The following MOV10 variants were observed in gnomAD, a reference collection of about 807,000 sequenced individuals.
MOV10 encodes RNA helicase MOV-10.
In MOV10, 39 loss-of-function variants were observed where a neutral mutation model predicts 108.4. The observed-to-expected ratio is 0.36, with a 90% CI of 0.28 to 0.47. MOV10 has a LOEUF of 0.47. MOV10 is among the 20% of genes least tolerant of loss of function. The probability of loss-of-function intolerance (pLI) is 1.00; values close to 1 mark genes in which losing one functional copy is unlikely to be tolerated. For synonymous variants in MOV10, 490 were observed against 523.1 expected, an observed-to-expected ratio of 0.94 and a Z score of 0.86; for missense variants, 952 against 1,297.6, an observed-to-expected ratio of 0.73 and a Z score of 4.09.
In MOV10 at chr1:112,696,786, A is replaced by T. The variant is rs1256771628; in HGVS notation, c.2138A>T (p.Tyr713Phe). 9 of 1,606,072 alleles carry T rather than the reference A, an allele frequency of 5.6e-6. No individual in the cohort carries two copies. The highest frequency in any genetic ancestry group is 6.8e-6 in the Non-Finnish European group (8 of 1,176,028). Residue 713 changes from tyrosine (Y) to phenylalanine (F), a missense_variant, in exon 14 of 21, where the codon TAC becomes TTC. Physicochemically the swap from Tyr to Phe is conservative, Grantham distance 22 (BLOSUM62 3). Coordinates refer to ENST00000369645, the MANE Select transcript of MOV10 (RefSeq NM_001321324.2). Reference sequence around the variant, plus strand: ...CGGCTGCTCACCTACAACTCCCTGTACAAGAAGGGCCCTGATGGCTATGAC... The same window carrying T: ...CGGCTGCTCACCTACAACTCCCTGTTCAAGAAGGGCCCTGATGGCTATGAC... The part of the protein sequence containing the change: ...LERLLTYNSL[Y>F]KKGPDGYDPQ...
chr1:112,674,745 A>T lies in MOV10; in HGVS notation c.-66+16A>T, dbSNP rs897259505. 15 of 591,624 alleles carry T rather than the reference A, an allele frequency of 2.5e-5. No homozygotes were observed. In the African/African-American group the frequency reaches 3.0e-4, roughly 12 times the overall value. 36.6% of individuals were successfully genotyped at this position (591,624 alleles called of 1,614,324 possible). A position where few individuals can be genotyped will look rare whatever the true frequency, so the allele number is the denominator to read the frequency against. Reference sequence around the variant, plus strand: ...GAAAGCTCAGGTAAGAAAAGAACGGAGGAGGGAAGCCTGGTGGGGAGAAGG... The same window carrying T: ...GAAAGCTCAGGTAAGAAAAGAACGGTGGAGGGAAGCCTGGTGGGGAGAAGG... On this transcript the variant is annotated intron_variant, in intron 1 of 20. Coordinates refer to ENST00000369645, the MANE Select transcript of MOV10 (RefSeq NM_001321324.2).
rs1672150072 is a variant in MOV10 at position 112,675,682 on chromosome 1, G to A, written c.137+633G>A. 6.6e-6 allele frequency among the ~76,000 whole-genome samples: 1 copy of A among 152,246 alleles called. No individual in the cohort carries two copies. Among genetic ancestry groups the A allele is most frequent in the African/African-American group, 2.4e-5 (1 of 41,472 alleles). On this transcript the variant is annotated intron_variant, in intron 2 of 20. Coordinates refer to ENST00000369645, the MANE Select transcript of MOV10 (RefSeq NM_001321324.2). This position sits in a 1 kb window ranked among gnomAD's most constrained non-coding sequence, Gnocchi z 4.7. ...CCAGGGGCAGAGCCAGCCTTCTGGA[G>A]GCTCCCTTTCACCCTGTGGCTGAAG...
Position 112,675,666 on chromosome 1 carries a change from GAGCC to G in MOV10, c.137+622_137+625del, listed in dbSNP as rs1304765330. ...GCTTCTCCATGGAGACCCAGGGGCA[GAGCC>G]AGCCTTCTGGAGGCTCCCTTTCACC... On this transcript the variant is annotated intron_variant, in intron 2 of 20. Coordinates refer to ENST00000369645, the MANE Select transcript of MOV10 (RefSeq NM_001321324.2). The surrounding 1 kb of genome is among the most constrained non-coding windows in gnomAD (Gnocchi z 4.7). Among the ~76,000 whole-genome samples the G allele has an allele frequency of 6.6e-6, 1 of 152,244 alleles. No homozygotes were observed. The highest frequency in any genetic ancestry group is 1.5e-5 in the Non-Finnish European group (1 of 68,032).
At position 112,689,601 on chromosome 1, in the gene MOV10, G is replaced by A. The variant is rs546201560; in HGVS notation, c.528G>A (p.Gln176=). The change falls in exon 4 of 21, where the codon CAG becomes CAA. Residue 176 remains glutamine, a synonymous_variant. Coordinates refer to ENST00000369645, the MANE Select transcript of MOV10 (RefSeq NM_001321324.2). The part of the protein sequence containing the change: ...THLFPLCRTP[Q]FAFYNEDQEL... ...TCTTCCCACTCTGCCGGACACCCCA[G>A]TTTGCTTTCTACAATGAAGACCAGG... 9.9e-6 allele frequency: 16 copies of A among 1,614,208 alleles called. No individual in the cohort carries two copies. In the South Asian group the frequency reaches 1.8e-4, roughly 18 times the overall value.
chr1:112,693,021 A>G lies in MOV10; in HGVS notation c.1140+92A>G, dbSNP rs1015110778. 5.5e-6 allele frequency: 7 copies of G among 1,278,184 alleles called. No individual in the cohort carries two copies. In the African/African-American group the frequency reaches 1.0e-4, roughly 19 times the overall value. 79.2% of individuals were successfully genotyped at this position (1,278,184 alleles called of 1,614,324 possible). ...ACTATTCCTGACAGCAGGGCAGAAC[A>G]AGAGGAAAGTTGAAGTGGTTCCCAG... On this transcript the variant is annotated intron_variant, in intron 7 of 20. Coordinates refer to ENST00000369645, the MANE Select transcript of MOV10 (RefSeq NM_001321324.2).
chr1:112,696,074 G>T (rs1421937823), intron 11 of MOV10, 74 bp from the exon 12 acceptor site: 3 of 963,218 alleles, frequency 3.1e-6, no homozygotes, highest in East Asian at 2.4e-5. Flanking sequence ...TTTGAGGGGG[G>T]GTACCCACAG....
At chr1:112,699,019 C>CT in intron 17 of MOV10, 1 of 551,892 alleles carries the variant, frequency 1.8e-6, no homozygotes, top group Non-Finnish European at 3.2e-6. Flanking sequence ...CATTCTTAGA[C>CT]TGAGGCAGGT....
Position 112,696,681 on chromosome 1 carries a change from C to A in MOV10, c.2033C>A (p.Ala678Glu). 1 of 1,610,670 alleles carries A rather than the reference C, an allele frequency of 6.2e-7. No homozygotes were observed. ...TGDPGGQLVL[A>E]GDPRQLGPVL... ...GATCCAGGAGGGCAGCTGGTGCTGG[C>A]AGGAGACCCTCGGCAGCTGGGGCCT... Residue 678 changes from alanine to glutamate, a missense_variant, in exon 14 of 21, where the codon GCA becomes GAA. Ala to Glu is a moderately radical substitution (Grantham distance 107, BLOSUM62 -1). This residue lies in a region of MOV10 where 453 missense variants were observed against 611.5 expected (regional missense o/e 0.74). Coordinates refer to ENST00000369645, the MANE Select transcript of MOV10 (RefSeq NM_001321324.2).
intron 14 of MOV10, 52 bp downstream of exon 14, chr1:112,696,898 C>T: frequency 7.1e-7 from 1 of 1,412,930 alleles, no homozygotes; most frequent in Non-Finnish European, 9.8e-7. Flanking sequence ...TCACATCCTG[C>T]ATGCAGACCC....
intron 2 of MOV10, among the ~76,000 whole-genome samples, chr1:112,682,272 G>A (rs1234477200): frequency 2.0e-5 from 3 of 152,102 alleles, no homozygotes; most frequent in Non-Finnish European, 4.4e-5. Flanking sequence ...TGTCAAGACT[G>A]GAGTACAGTG....
At position 112,695,659 on chromosome 1, in the gene MOV10, C is replaced by T. The variant is rs916257327; in HGVS notation, c.1779+85C>T. ...ACACTGAGGCGAGGAAGCTAGGAGA[C>T]CTGGATTCTGATACTTGCTATGTGA... On this transcript the variant is annotated intron_variant, in intron 11 of 20. Transcript: ENST00000369645. 2.5e-5 allele frequency: 36 copies of T among 1,419,854 alleles called. 1 individual carries two copies. The highest frequency in any genetic ancestry group is 1.9e-6 in the Non-Finnish European group (2 of 1,058,730). 88.0% of individuals were successfully genotyped at this position (1,419,854 alleles called of 1,614,324 possible).
At chr1:112,688,416 C>A (rs902436325) in intron 2 of MOV10, 1 of 997,134 alleles carries the variant, frequency 1.0e-6, no homozygotes, top group African/African-American at 1.7e-5. Context: ...CGGGTGGAAA[C>A]TGCTGTCTGA....
At chr1:112,684,904 A>T (rs1035348005) in intron 2 of MOV10, 1 of 152,218 alleles carries the variant, frequency 6.6e-6, no homozygotes. Context: ...TATATATTAT[A>T]AAAATTAGCC....
chr1:112,692,119 C>T, intron 6 of MOV10, among the ~76,000 whole-genome samples: 1 of 152,044 alleles, frequency 6.6e-6, no homozygotes, highest in South Asian at 2.1e-4. Flanking sequence ...CATTTAAGCC[C>T]AAGAGTTCAA....
At chr1:112,690,209 T>G in intron 5 of MOV10, 111 bp downstream of exon 5, 1 of 1,345,598 alleles carries the variant, frequency 7.4e-7, no homozygotes, top group Non-Finnish European at 1.0e-6. Context: ...CTACAGGCTC[T>G]TCACTCTTCT....
intron 2 of MOV10, among the ~76,000 whole-genome samples, chr1:112,680,418 A>C (rs1672529122): frequency 6.6e-6 from 1 of 151,948 alleles, no homozygotes; most frequent in Admixed American, 6.6e-5. Context: ...GCACTTTGGG[A>C]GGCAGAGGTG....
chr1:112,684,720 G>A (rs1393515338), intron 2 of MOV10, among the ~76,000 whole-genome samples: 2 of 152,112 alleles, frequency 1.3e-5, no homozygotes, highest in African/African-American at 4.8e-5. Flanking sequence ...CTAGAACTAT[G>A]TTCATTTTTG....
At chr1:112,684,496 G>A (rs905513025) in intron 2 of MOV10, among the ~76,000 whole-genome samples, 9 of 151,744 alleles carry the variant, frequency 5.9e-5, no homozygotes, top group South Asian at 2.1e-4. Context: ...TCAAACTCCC[G>A]ACCTCAGGTG....
chr1:112,700,696 G>A lies in MOV10; in HGVS notation c.*189G>A. ...CAAGCTGCTAACAATTGGGGGAAGG[G>A]GAAGGAAGAAAACTCTGAAAACAAA... On this transcript the variant is annotated 3_prime_UTR_variant, in exon 21 of 21. Coordinates refer to ENST00000369645, the MANE Select transcript of MOV10 (RefSeq NM_001321324.2). The A allele has an allele frequency of 6.6e-7, 1 of 1,525,314 alleles. No homozygotes were observed. The highest frequency in any genetic ancestry group is 1.4e-5 in the African/African-American group (1 of 72,222). 94.5% of individuals were successfully genotyped at this position (1,525,314 alleles called of 1,614,324 possible). A position where few individuals can be genotyped will look rare whatever the true frequency, so the allele number is the denominator to read the frequency against.
Sources: allele counts gnomAD v4.1 joint callset (sites outside exome capture counted in the v4.1 genomes callset), GRCh38; gene constraint gnomAD v4.1.1; regional missense constraint gnomAD v4.1.1; non-coding constraint Gnocchi (gnomAD v3.1); transcripts MANE v1.5; gene names NCBI Gene and HGNC (gene_info 2026-07-23, HGNC 2026-07-21).